Variants in PTPRD observed in about 807,000 individuals in gnomAD.
The protein encoded by PTPRD is protein tyrosine phosphatase receptor type D.
Under a neutral mutation model 214.5 loss-of-function variants are expected in PTPRD, and 34 were observed. The observed-to-expected ratio is 0.16, with a 90% CI of 0.12 to 0.21. PTPRD has a LOEUF of 0.21. Among genes scored for constraint, PTPRD ranks in the 10% least tolerant of loss-of-function variants. PTPRD has a pLI of 1.00. For missense variants in PTPRD, 2,545 were observed against 2,398.7 expected (o/e 1.06, Z -1.27); for synonymous variants, 1,128 against 845.7 (o/e 1.33, Z -5.79).
intron 14 of PTPRD, among the ~76,000 whole-genome samples, chr9:8,565,119 C>T (rs943779449): frequency 8.5e-5 from 13 of 152,076 alleles, no homozygotes; most frequent in African/African-American, 3.1e-4. Context: ...ATGTAATCTG[C>T]TCCCTGCTCG....
intron 5 of PTPRD, among the ~76,000 whole-genome samples, chr9:9,840,188 C>G (rs771418340): frequency 6.6e-6 from 1 of 152,152 alleles, no homozygotes; most frequent in African/African-American, 2.4e-5. Context: ...CAGGCACTCA[C>G]CACCACGCCC....
At chr9:9,714,579 C>T (rs530949047) in intron 7 of PTPRD, among the ~76,000 whole-genome samples, 19 of 152,134 alleles carry the variant, frequency 1.2e-4, no homozygotes, top group African/African-American at 3.9e-4. Flanking sequence ...GTAAAGTAAC[C>T]CTGTATTTCT....
In PTPRD at chr9:10,281,964, T is replaced by C. The variant is rs148886911; in HGVS notation, c.-545+58999A>G. The stretch of plus-strand genomic sequence containing the variant: ...TCATGATTATAAAATTCCAAAAATA[T>C]TGGGGGCCTAAGTAGTTAAAATAAT... On this transcript the variant is annotated intron_variant, in intron 3 of 45. Coordinates refer to ENST00000381196, the MANE Select transcript of PTPRD (RefSeq NM_002839.4). Among the ~76,000 whole-genome samples, 731 of 151,136 alleles carry C rather than the reference T, an allele frequency of 4.8e-3. 2 individuals carry two copies. The highest frequency in any genetic ancestry group is 8.0e-3 in the Non-Finnish European group (544 of 67,756).
chr9:8,493,999 G>GACACACAC (rs780088083), intron 26 of PTPRD, among the ~76,000 whole-genome samples: 23 of 141,992 alleles, frequency 1.6e-4, no homozygotes, highest in African/African-American at 5.9e-4. Flanking sequence ...GACACACACA[G>GACACACAC]ACACACAGAC....
intron 10 of PTPRD, among the ~76,000 whole-genome samples, chr9:9,090,032 A>T (rs922401241): frequency 1.3e-5 from 2 of 152,226 alleles, no homozygotes; most frequent in African/African-American, 4.8e-5. Flanking sequence ...TATTTATGAT[A>T]TTCATCACAT....
At chr9:10,001,293 G>C (rs541776064) in intron 4 of PTPRD, among the ~76,000 whole-genome samples, 3 of 152,158 alleles carry the variant, frequency 2.0e-5, no homozygotes, top group African/African-American at 7.2e-5. Flanking sequence ...AAGTATATCA[G>C]CACATATAAA....
chr9:9,036,670 G>C (rs1461436714), intron 10 of PTPRD, among the ~76,000 whole-genome samples: 1 of 152,164 alleles, frequency 6.6e-6, no homozygotes, highest in Non-Finnish European at 1.5e-5. Flanking sequence ...CTTAGACAAA[G>C]ATGCTAGGTG....
At chr9:8,532,582 T>G (rs10977184) in intron 14 of PTPRD, among the ~76,000 whole-genome samples, 6,493 of 152,112 alleles carry the variant, frequency 0.043, 464 homozygotes, top group African/African-American at 0.15. Flanking sequence ...GAAAAACATT[T>G]TGTCCTATTC....
chr9:9,070,514 G>A (rs2099742210), intron 10 of PTPRD, among the ~76,000 whole-genome samples: 1 of 151,870 alleles, frequency 6.6e-6, no homozygotes, highest in Admixed American at 6.6e-5. Context: ...AAAATCAAGG[G>A]CACATTCCTT....
intron 2 of PTPRD, among the ~76,000 whole-genome samples, chr9:10,551,202 C>T (rs2061286598): frequency 1.3e-5 from 2 of 152,022 alleles, no homozygotes; most frequent in Admixed American, 1.3e-4. Context: ...AGCCATGTAT[C>T]ATGTCACACA....
chr9:10,512,509 T>C (rs763737030), intron 2 of PTPRD, among the ~76,000 whole-genome samples: 1 of 151,882 alleles, frequency 6.6e-6, no homozygotes, highest in Non-Finnish European at 1.5e-5. Flanking sequence ...CGGTGGTGGG[T>C]TGGGGGGAAT....
chr9:10,551,211 C>T (rs1287269467), intron 2 of PTPRD, among the ~76,000 whole-genome samples: 2 of 152,106 alleles, frequency 1.3e-5, no homozygotes, highest in South Asian at 2.1e-4. Flanking sequence ...TCATGTCACA[C>T]ACTTGTAGTC....
At chr9:10,277,848 A>C (rs1337935309) in intron 3 of PTPRD, among the ~76,000 whole-genome samples, 3 of 152,048 alleles carry the variant, frequency 2.0e-5, no homozygotes, top group Non-Finnish European at 4.4e-5. Flanking sequence ...GGCTGAGTGC[A>C]TTAGGGATAC....
chr9:10,465,508 A>G (rs1588797562), intron 2 of PTPRD, among the ~76,000 whole-genome samples: 1 of 152,196 alleles, frequency 6.6e-6, no homozygotes, highest in African/African-American at 2.4e-5. Flanking sequence ...TCAGTCAATG[A>G]CAGACTGCTT....
chr9:10,377,120 G>A (rs540227856), intron 2 of PTPRD, among the ~76,000 whole-genome samples: 81 of 150,980 alleles, frequency 5.4e-4, no homozygotes, highest in East Asian at 1.8e-3. Context: ...AATTATTTTC[G>A]TTTTTAGATC....
At chr9:8,699,797 T>C (rs977116305) in intron 12 of PTPRD, among the ~76,000 whole-genome samples, 3 of 151,584 alleles carry the variant, frequency 2.0e-5, no homozygotes, top group Non-Finnish European at 2.9e-5. Context: ...AACACATTCA[T>C]ACTCCATGGT....
intron 35 of PTPRD, among the ~76,000 whole-genome samples, chr9:8,415,927 G>T (rs964872570): frequency 6.6e-6 from 1 of 152,016 alleles, no homozygotes; most frequent in Non-Finnish European, 1.5e-5. Context: ...CCATATCAAG[G>T]TATTCTCAAG....
At chr9:8,633,594 AGTGGTG>A in intron 13 of PTPRD, 136 bp from the exon 14 acceptor site, 2 of 987,414 alleles carry the variant, frequency 2.0e-6, no homozygotes, top group Non-Finnish European at 1.5e-6. Context: ...ATTTTGATAT[AGTGGTG>A]AAAAAATATT....
intron 3 of PTPRD, among the ~76,000 whole-genome samples, chr9:10,041,998 C>A (rs1414094596): frequency 6.6e-6 from 1 of 152,008 alleles, no homozygotes; most frequent in Non-Finnish European, 1.5e-5. Context: ...CAGTACTACA[C>A]AATCGTCCTC....
Sources: gnomAD v4.1 joint callset for allele counts (sites outside exome capture counted in the v4.1 genomes callset) on GRCh38, gnomAD v4.1.1 for gene constraint, MANE v1.5 for transcripts, NCBI Gene and HGNC (gene_info 2026-07-23, HGNC 2026-07-21) for gene names.